DPY19L1: variants seen among roughly 807,000 people sequenced by gnomAD.
The protein encoded by DPY19L1 is protein C-mannosyl-transferase DPY19L1.
DPY19L1 carries 35 observed loss-of-function variants against 96.9 expected under a neutral mutation model. The ratio of observed to expected loss-of-function variants is 0.36; its 90% CI spans 0.28 to 0.48. DPY19L1 has a LOEUF of 0.48. Ranked by LOEUF, DPY19L1 falls within the 20% of genes least tolerant of loss-of-function variation. The probability of loss-of-function intolerance (pLI) is 0.99; values close to 1 mark genes in which losing one functional copy is unlikely to be tolerated. For missense variants in DPY19L1, 521 were observed against 777.9 expected (o/e 0.67, Z 3.93); for synonymous variants, 205 against 252.6 (o/e 0.81, Z 1.79).
chr7:34,947,579 A>C, intron 15 of DPY19L1, 51 bp downstream of exon 15: 1 of 1,527,744 alleles, frequency 6.5e-7, no homozygotes, highest in Non-Finnish European at 8.9e-7. Context: ...TACTATGTAA[A>C]AACAAGAAAA....
At chr7:35,007,160 A>C in intron 6 of DPY19L1, among the ~76,000 whole-genome samples, 1 of 152,222 alleles carries the variant, frequency 6.6e-6, no homozygotes, top group Non-Finnish European at 1.5e-5. Flanking sequence ...GCAATGAAAA[A>C]CACTGATAGA....
At chr7:34,944,174 C>A (rs916532249) in intron 16 of DPY19L1, among the ~76,000 whole-genome samples, 1 of 151,744 alleles carries the variant, frequency 6.6e-6, no homozygotes, top group Admixed American at 6.6e-5. Context: ...ACCAGCCTGG[C>A]CAATATGGTG....
In DPY19L1 at chr7:34,951,560, C is replaced by T. The variant is rs528324878; in HGVS notation, c.1321-1662G>A. On this transcript the variant is annotated intron_variant, in intron 13 of 21. Coordinates refer to ENST00000638088, the MANE Select transcript of DPY19L1 (RefSeq NM_001366673.1). Reference sequence around the variant, plus strand: ...TACATAAAAGAGTACTACATACTTACAAAGAAAATTTTAGCTTTAAAAGCA... The same window carrying T: ...TACATAAAAGAGTACTACATACTTATAAAGAAAATTTTAGCTTTAAAAGCA... Among the ~76,000 whole-genome samples the T allele has an allele frequency of 3.6e-3, 551 of 151,664 alleles. 2 individuals are homozygous for T. The highest frequency in any genetic ancestry group is 5.9e-3 in the Non-Finnish European group (397 of 67,786).
At chr7:34,989,749 CAAAT>C (rs772956325) in intron 7 of DPY19L1, 131 bp downstream of exon 7, 51 of 710,620 alleles carry the variant, frequency 7.2e-5, no homozygotes, top group African/African-American at 1.3e-4. Flanking sequence ...AAAGTTAACT[CAAAT>C]GAATGCTAGT....
intron 1 of DPY19L1, among the ~76,000 whole-genome samples, chr7:35,032,860 C>G (rs543827491): frequency 6.6e-6 from 1 of 152,134 alleles, no homozygotes; most frequent in East Asian, 1.9e-4. Flanking sequence ...TCATTTTCAC[C>G]TCCAAAATAC....
At chr7:35,037,760 A>C, upstream of DPY19L1, 1 of 1,099,526 alleles carries the variant, frequency 9.1e-7, no homozygotes, top group Non-Finnish European at 1.1e-6. Context: ...GCCAGCGCGC[A>C]CGCGCGGACT....
At chr7:34,990,939 T>C (rs554836268) in intron 6 of DPY19L1, among the ~76,000 whole-genome samples, 1 of 152,244 alleles carries the variant, frequency 6.6e-6, no homozygotes, top group South Asian at 2.1e-4. Context: ...TTTACTCTTG[T>C]GATGTATCAA....
At chr7:34,997,567 G>A (rs1052336664) in intron 6 of DPY19L1, among the ~76,000 whole-genome samples, 18 of 133,830 alleles carry the variant, frequency 1.3e-4, no homozygotes, top group African/African-American at 4.0e-4. Flanking sequence ...CTGAGATCGC[G>A]CCACTGCACT....
intron 6 of DPY19L1, among the ~76,000 whole-genome samples, chr7:34,994,601 C>G (rs1210765015): frequency 2.0e-5 from 3 of 151,922 alleles, no homozygotes; most frequent in Admixed American, 1.3e-4. Flanking sequence ...GTCAGGAGAT[C>G]GAGACCATCC....
At chr7:35,016,107 C>G (rs1327372721) in intron 3 of DPY19L1, among the ~76,000 whole-genome samples, 1 of 151,886 alleles carries the variant, frequency 6.6e-6, no homozygotes, top group Non-Finnish European at 1.5e-5. Flanking sequence ...AGTAAAAAGG[C>G]CAAAATACAA....
chr7:35,008,301 G>A (rs1785612849), intron 6 of DPY19L1, among the ~76,000 whole-genome samples: 1 of 152,116 alleles, frequency 6.6e-6, no homozygotes. Flanking sequence ...TATGAATAGT[G>A]TGTGTTGACT....
chr7:35,020,304 T>C (rs1334497747), intron 1 of DPY19L1, among the ~76,000 whole-genome samples: 1 of 152,264 alleles, frequency 6.6e-6, no homozygotes, highest in Non-Finnish European at 1.5e-5. Flanking sequence ...TCTGAGGTTA[T>C]AATTGGATTT....
chr7:35,007,300 C>G (rs766861913), intron 6 of DPY19L1, among the ~76,000 whole-genome samples: 3 of 152,144 alleles, frequency 2.0e-5, no homozygotes, highest in Non-Finnish European at 2.9e-5. Context: ...CCCACAAACA[C>G]AAAAGGAAAG....
intron 19 of DPY19L1, 120 bp downstream of exon 19, chr7:34,940,033 T>C (rs1308040218): frequency 1.1e-6 from 1 of 873,686 alleles, no homozygotes; most frequent in Non-Finnish European, 1.6e-6. Context: ...AAAAGCAACA[T>C]TGCATAGAAA....
intron 3 of DPY19L1, among the ~76,000 whole-genome samples, chr7:35,014,631 G>C (rs543575134): frequency 6.6e-6 from 1 of 152,206 alleles, no homozygotes; most frequent in East Asian, 1.9e-4. Flanking sequence ...AAATGGTCTT[G>C]ATACTCTGAT....
rs1162886829 is a variant in DPY19L1, at chr7:34,966,953, C to T, written c.1033G>A (p.Val345Ile). ...ATATCAATGTACCCGACAACATATA[C>T]TGCAAATAATGATGCAATCTGAAAT... is the stretch of plus-strand genomic sequence containing the variant. ...LLTQIASLFA[V>I]YVVGYIDICK... is the part of the protein sequence containing the mutation. The change falls in exon 10 of 22, where the codon GTA (valine) becomes ATA (isoleucine). Residue 345 changes from valine (V) to isoleucine (I), a missense_variant. Val to Ile is a conservative substitution (Grantham distance 29). Transcript: ENST00000638088. The T allele has an allele frequency of 1.3e-6, 2 of 1,536,350 alleles. No homozygotes were observed. Among genetic ancestry groups the T allele is most frequent in the Admixed American group, 2.2e-5 (1 of 45,366 alleles).
chr7:34,985,021 T>C (rs1157132605), intron 7 of DPY19L1, among the ~76,000 whole-genome samples: 1 of 152,090 alleles, frequency 6.6e-6, no homozygotes, highest in African/African-American at 2.4e-5. Context: ...CTTTCTTTCT[T>C]ACCAACCTTA....
At chr7:34,985,392 C>G (rs1785025957) in intron 7 of DPY19L1, among the ~76,000 whole-genome samples, 1 of 152,028 alleles carries the variant, frequency 6.6e-6, no homozygotes, top group Non-Finnish European at 1.5e-5. Flanking sequence ...TACAGTCAAC[C>G]CGAGGATTGG....
chr7:34,951,505 T>A (rs1319520986), intron 13 of DPY19L1, among the ~76,000 whole-genome samples: 2 of 151,980 alleles, frequency 1.3e-5, no homozygotes, highest in Non-Finnish European at 2.9e-5. Context: ...CTTAACCTTT[T>A]AAAAAATCAC....
Sources: gnomAD v4.1 joint callset for allele counts (sites outside exome capture counted in the v4.1 genomes callset) on GRCh38, gnomAD v4.1.1 for gene constraint, MANE v1.5 for transcripts, NCBI Gene and HGNC (gene_info 2026-07-23, HGNC 2026-07-21) for gene names.